Variants in RGS6 observed in about 807,000 individuals in gnomAD.
RGS6 encodes the protein regulator of G-protein signaling 6.
In RGS6, 30 loss-of-function variants were observed where a neutral mutation model predicts 78.5. That is an observed-to-expected ratio of 0.38 (90% CI 0.29 to 0.52). The LOEUF is 0.52. RGS6 is among the 20% of genes least tolerant of loss of function. The pLI, the probability that RGS6 is intolerant of heterozygous loss-of-function variation, is 0.85. For missense variants in RGS6, 495 were observed against 609.7 expected (o/e 0.81, Z 1.98); for synonymous variants, 206 against 206.0 (o/e 1.00, Z 0.00).
At chr14:72,349,647 A>T (rs2078749622) in intron 2 of RGS6, among the ~76,000 whole-genome samples, 1 of 152,172 alleles carries the variant, frequency 6.6e-6, no homozygotes, top group African/African-American at 2.4e-5. Context: ...CTGATGAGTG[A>T]TGTACCTCTT....
intron 2 of RGS6, among the ~76,000 whole-genome samples, chr14:72,252,204 C>G (rs567814781): frequency 6.6e-6 from 1 of 152,170 alleles, no homozygotes; most frequent in Non-Finnish European, 1.5e-5. Context: ...TTCACTCATG[C>G]GTATGCCCGC....
chr14:72,079,369 G>C (rs1019725752), intron 2 of RGS6, among the ~76,000 whole-genome samples: 2 of 152,002 alleles, frequency 1.3e-5, no homozygotes, highest in African/African-American at 4.8e-5. Flanking sequence ...TTTTTATAAA[G>C]ATATTGCTCA....
chr14:72,509,791 G>T (rs1200778160), intron 13 of RGS6, among the ~76,000 whole-genome samples: 1 of 152,148 alleles, frequency 6.6e-6, no homozygotes, highest in Non-Finnish European at 1.5e-5. Flanking sequence ...GAAAGATTGG[G>T]TCCATGAAGC....
At chr14:72,265,101 T>G (rs1159495119) in intron 2 of RGS6, among the ~76,000 whole-genome samples, 1 of 152,176 alleles carries the variant, frequency 6.6e-6, no homozygotes, top group Non-Finnish European at 1.5e-5. Context: ...TTGTGAAAAT[T>G]CAGGATGGTG....
chr14:72,354,801 C>T (rs2079908439), intron 3 of RGS6, among the ~76,000 whole-genome samples: 1 of 151,878 alleles, frequency 6.6e-6, no homozygotes. Context: ...AAAATAGAGC[C>T]CAGATAGATT....
intron 3 of RGS6, among the ~76,000 whole-genome samples, chr14:72,398,028 T>A (rs898594627): frequency 2.6e-5 from 4 of 152,212 alleles, no homozygotes; most frequent in African/African-American, 9.7e-5. Context: ...ATGTGGTGTC[T>A]CTGCCAGGCT....
At chr14:72,352,331 C>T in intron 3 of RGS6, 137 bp downstream of exon 3, 1 of 587,266 alleles carries the variant, frequency 1.7e-6, no homozygotes, top group Non-Finnish European at 3.0e-6. Flanking sequence ...GACTCAGGTC[C>T]CATCCTAGTC....
At chr14:72,438,586 T>G (rs1337719251) in intron 3 of RGS6, among the ~76,000 whole-genome samples, 2 of 152,174 alleles carry the variant, frequency 1.3e-5, no homozygotes, top group Non-Finnish European at 2.9e-5. Flanking sequence ...GAGACTCCTC[T>G]TTTTCTCATG....
At chr14:72,596,637 G>GAAGATACTT in the RGS6 span, among the ~76,000 whole-genome samples, 4 of 152,192 alleles carry the variant, frequency 2.6e-5, no homozygotes, top group Non-Finnish European at 5.9e-5. Flanking sequence ...GACTGCCTTT[G>GAAGATACTT]AAGATACTTA....
chr14:72,265,940 G>GTTT (rs2058984678), intron 2 of RGS6, among the ~76,000 whole-genome samples: 1 of 53,946 alleles, frequency 1.9e-5, no homozygotes, highest in Non-Finnish European at 4.6e-5. Flanking sequence ...CGCTTTTTTG[G>GTTT]GGGGGGGGGC....
At chr14:72,183,472 AG>A (rs1462964795) in intron 2 of RGS6, among the ~76,000 whole-genome samples, 2 of 152,228 alleles carry the variant, frequency 1.3e-5, no homozygotes, top group African/African-American at 4.8e-5. Flanking sequence ...GTATAATTGC[AG>A]GTAGAGTTTT....
At chr14:71,977,673 G>C (rs950799770) in intron 2 of RGS6, among the ~76,000 whole-genome samples, 5 of 150,722 alleles carry the variant, frequency 3.3e-5, no homozygotes, top group African/African-American at 1.2e-4. Context: ...TAGCCTTGTA[G>C]TATAGTTTGA....
chr14:72,094,262 A>C (rs891700792), intron 2 of RGS6, among the ~76,000 whole-genome samples: 1 of 152,242 alleles, frequency 6.6e-6, no homozygotes, highest in Non-Finnish European at 1.5e-5. Flanking sequence ...CAGTGCCTGG[A>C]ACAGCCCAGC....
At position 72,452,331 on chromosome 14, in the gene RGS6, G is replaced by A. The variant is rs571357949; in HGVS notation, c.185-2197G>A. Among the ~76,000 whole-genome samples the A allele has an allele frequency of 3.9e-4, 60 of 152,246 alleles. 1 individual carries two copies. The highest frequency in any genetic ancestry group is 1.2e-3 in the African/African-American group (48 of 41,550). ...TGCTGTCCAGGAGTAGCAAGAGTGA[G>A]GAGAAGCCTAGAAGTGCTGCCTTTG... is the stretch of plus-strand genomic sequence containing the variant. On this transcript the variant is annotated intron_variant, in intron 3 of 17. Transcript: ENST00000553525.
chr14:72,118,124 G>T (rs1211214937), intron 2 of RGS6, among the ~76,000 whole-genome samples: 1 of 151,750 alleles, frequency 6.6e-6, no homozygotes, highest in Non-Finnish European at 1.5e-5. Context: ...GAACATCCTT[G>T]CTGTGAGTGC....
chr14:72,405,854 A>G (rs2092878152), intron 3 of RGS6, among the ~76,000 whole-genome samples: 1 of 152,144 alleles, frequency 6.6e-6, no homozygotes, highest in South Asian at 2.1e-4. Flanking sequence ...TTCAGTTTCA[A>G]TGGTGGTCAC....
Position 72,153,122 on chromosome 14 carries a change from A to G in RGS6, c.84+188247A>G, listed in dbSNP as rs192724274. On this transcript the variant is annotated intron_variant, in intron 2 of 17. Transcript: ENST00000553525. ...GCTGTCTCATTATGAATGGGACAGG[A>G]GTGGGAAATTATCCCACTTCAAATG... Among the ~76,000 whole-genome samples the G allele has an allele frequency of 6.7e-3, 1,017 of 152,266 alleles. 32 individuals are homozygous for G. Among genetic ancestry groups the G allele is most frequent in the Admixed American group, 0.059 (908 of 15,302 alleles).
intron 17 of RGS6, among the ~76,000 whole-genome samples, chr14:72,542,153 C>G (rs79010095): frequency 0.033 from 5,094 of 152,176 alleles, 145 homozygotes; most frequent in East Asian, 0.092. Context: ...GAACAAGAAA[C>G]TCTAACAGGT....
intron 2 of RGS6, among the ~76,000 whole-genome samples, chr14:71,975,568 C>T (rs1023908182): frequency 2.0e-5 from 3 of 152,008 alleles, no homozygotes; most frequent in Non-Finnish European, 4.4e-5. Flanking sequence ...AAGTGATTCT[C>T]CTGCCCCAAC....
Sources: allele counts gnomAD v4.1 joint callset (sites outside exome capture counted in the v4.1 genomes callset), GRCh38; gene constraint gnomAD v4.1.1; transcripts MANE v1.5; gene names NCBI Gene and HGNC (gene_info 2026-07-23, HGNC 2026-07-21).